The following PEAK1 variants were observed in gnomAD, a reference collection of about 807,000 sequenced individuals.
PEAK1 encodes inactive tyrosine-protein kinase PEAK1.
In PEAK1, 54 loss-of-function variants were observed where a neutral mutation model predicts 124.7. That is an observed-to-expected ratio of 0.43 (90% CI 0.35 to 0.54). The LOEUF (loss-of-function observed/expected upper bound fraction) is 0.54. PEAK1 is among the 20% of genes least tolerant of loss of function. PEAK1 has a pLI of 0.01. For missense variants in PEAK1, 2,046 were observed against 2,134.5 expected (o/e 0.96, Z 0.82); for synonymous variants, 719 against 760.0 (o/e 0.95, Z 0.89).
chr15:77,381,306 G>T (rs80032299), intron 1 of PEAK1: 11,552 of 876,018 alleles, frequency 0.013, 102 homozygotes, highest in Non-Finnish European at 0.014. Flanking sequence ...TTCAAGTTAC[G>T]TGGGAGACTG....
chr15:77,242,286 T>C (rs969269403), intron 6 of PEAK1, among the ~76,000 whole-genome samples: 41 of 152,210 alleles, frequency 2.7e-4, no homozygotes, highest in African/African-American at 9.6e-4. Flanking sequence ...TGATAATACA[T>C]GTTGTTAAAA....
intron 7 of PEAK1, among the ~76,000 whole-genome samples, chr15:77,175,554 T>C (rs1269902135): frequency 4.6e-5 from 7 of 151,998 alleles, no homozygotes; most frequent in Non-Finnish European, 7.4e-5. Flanking sequence ...CACAATGAGA[T>C]ACCATCTCAC....
Position 77,116,363 on chromosome 15 carries a change from T to C in PEAK1, c.4078-1044A>G, listed in dbSNP as rs558711997. On this transcript the variant is annotated intron_variant, in intron 9 of 9. Transcript: ENST00000682557. The stretch of plus-strand genomic sequence containing the variant: ...CAGAGGCACACTGCCACATTACAAA[T>C]ATCAAAGGCTCCCAGGAACATGCAC... Among the ~76,000 whole-genome samples, 6 of 152,270 alleles carry C rather than the reference T, an allele frequency of 3.9e-5. No individual in the cohort carries two copies. In the East Asian group the frequency reaches 7.7e-4, roughly 20 times the overall value.
chr15:77,337,975 A>T (rs895213345), intron 2 of PEAK1: 1 of 984,114 alleles, frequency 1.0e-6, no homozygotes, highest in Admixed American at 6.1e-5. Flanking sequence ...CCATCATACC[A>T]CTTTCTGGAA....
chr15:77,199,813 T>C (rs974060067), intron 6 of PEAK1, among the ~76,000 whole-genome samples: 2 of 152,124 alleles, frequency 1.3e-5, no homozygotes, highest in Non-Finnish European at 2.9e-5. Context: ...AAGATGAAGA[T>C]GTAGAAGAAG....
chr15:77,219,985 G>A lies in PEAK1; in HGVS notation c.-115+32382C>T, dbSNP rs185765137. Reference sequence around the variant, plus strand: ...ATATGCAAATTTTTAAATACATATTGAGAAGCATGCAGACATCAACATTTC... The same window carrying A: ...ATATGCAAATTTTTAAATACATATTAAGAAGCATGCAGACATCAACATTTC... On this transcript the variant is annotated intron_variant, in intron 6 of 9. Coordinates refer to ENST00000682557, the MANE Select transcript of PEAK1 (RefSeq NM_001385026.1). Among the ~76,000 whole-genome samples, 3 of 152,002 alleles carry A rather than the reference G, an allele frequency of 2.0e-5. 1 individual carries two copies. The highest frequency in any genetic ancestry group is 4.1e-4 in the South Asian group (2 of 4,822).
chr15:77,162,647 T>C (rs777745619), intron 7 of PEAK1, among the ~76,000 whole-genome samples: 14 of 152,300 alleles, frequency 9.2e-5, no homozygotes, highest in Admixed American at 9.2e-4. Flanking sequence ...TTAGGAGATG[T>C]TTAATGTGAT....
At chr15:77,356,570 A>C (rs1469269733) in intron 2 of PEAK1, among the ~76,000 whole-genome samples, 1 of 151,482 alleles carries the variant, frequency 6.6e-6, no homozygotes, top group Admixed American at 6.6e-5. Flanking sequence ...CATGGATAGT[A>C]ATGTTTCCTG....
At chr15:77,175,312 G>C (rs902378592) in intron 7 of PEAK1, among the ~76,000 whole-genome samples, 7 of 152,158 alleles carry the variant, frequency 4.6e-5, no homozygotes, top group African/African-American at 1.7e-4. Flanking sequence ...AGAGTGAATA[G>C]ACAACCCACA....
At chr15:77,375,940 A>G (rs1408863217) in intron 1 of PEAK1, among the ~76,000 whole-genome samples, 3 of 152,058 alleles carry the variant, frequency 2.0e-5, no homozygotes, top group Non-Finnish European at 4.4e-5. Flanking sequence ...CGGAGCCTGC[A>G]GTGAGCCGAG....
intron 2 of PEAK1, 67 bp downstream of exon 2, chr15:77,365,096 T>C (rs2068132514): frequency 1.6e-6 from 1 of 611,306 alleles, no homozygotes; most frequent in Non-Finnish European, 2.0e-6. Flanking sequence ...TTAAATTTTT[T>C]CAAAAACAAT....
At chr15:77,207,837 C>A (rs2058734300) in intron 6 of PEAK1, among the ~76,000 whole-genome samples, 1 of 152,138 alleles carries the variant, frequency 6.6e-6, no homozygotes, top group South Asian at 2.1e-4. Flanking sequence ...AAACTATGGA[C>A]TTCGGTTGAT....
Position 77,180,882 on chromosome 15 carries a change from T to C in PEAK1, c.1045A>G (p.Thr349Ala), listed in dbSNP as rs2057221901. 6.2e-7 allele frequency: 1 copy of C among 1,614,060 alleles called. No individual in the cohort carries two copies. The highest frequency in any genetic ancestry group is 8.5e-7 in the Non-Finnish European group (1 of 1,179,998). Residue 349 changes from threonine to alanine, a missense_variant, in exon 7 of 10, where the codon ACA (threonine) becomes GCA (alanine). By Grantham distance (58) the Thr-to-Ala change is moderately conservative. Coordinates refer to ENST00000682557, the MANE Select transcript of PEAK1 (RefSeq NM_001385026.1). ...GCTGTCTCAGAACGTGATTCTTCTG[T>C]TAAAGAAGAATCTGGTGATGTGGAG... is the stretch of plus-strand genomic sequence containing the variant. Reference protein sequence around the residue: ...SDSTSPDSSLTEESRSETASS... With the variant: ...SDSTSPDSSLAEESRSETASS...
At chr15:77,369,256 A>G (rs915239328) in intron 1 of PEAK1, among the ~76,000 whole-genome samples, 4 of 152,204 alleles carry the variant, frequency 2.6e-5, no homozygotes, top group Admixed American at 6.5e-5. Context: ...GGAAGTTTTC[A>G]TAGCACTTAG....
At chr15:77,284,238 G>A (rs1384205759) in intron 4 of PEAK1, among the ~76,000 whole-genome samples, 1 of 152,160 alleles carries the variant, frequency 6.6e-6, no homozygotes, top group African/African-American at 2.4e-5. Flanking sequence ...AAATGCGAAG[G>A]TCTCAGTCTC....
chr15:77,292,796 C>T (rs1251828635), intron 2 of PEAK1, among the ~76,000 whole-genome samples: 4 of 152,048 alleles, frequency 2.6e-5, no homozygotes, highest in Non-Finnish European at 4.4e-5. Context: ...TGTATATGAA[C>T]GTATATGAAT....
intron 1 of PEAK1, among the ~76,000 whole-genome samples, chr15:77,393,932 C>A (rs559308859): frequency 3.3e-5 from 5 of 152,274 alleles, no homozygotes; most frequent in African/African-American, 9.6e-5. Flanking sequence ...TGAAAGCATT[C>A]ATCACAAGCT....
In PEAK1 at chr15:77,252,410, G is replaced by T; in HGVS notation, c.-158C>A. 1 of 985,328 alleles carries T rather than the reference G, an allele frequency of 1.0e-6. No homozygotes were observed. The highest frequency in any genetic ancestry group is 1.2e-6 in the Non-Finnish European group (1 of 829,886). The allele number at this position is 985,328 out of a possible 1,614,324, so 61.0% of individuals were successfully genotyped here. A position where few individuals can be genotyped will look rare whatever the true frequency, so the allele number is the denominator to read the frequency against. On this transcript the variant is annotated 5_prime_UTR_variant, in exon 6 of 10. Transcript: ENST00000682557. Reference sequence around the variant, plus strand: ...TTCATTCATTCTGGTGACAAAGGTGGTTTTAGCAGCTAGCAAAACATTCCT... The same window carrying T: ...TTCATTCATTCTGGTGACAAAGGTGTTTTTAGCAGCTAGCAAAACATTCCT...
At chr15:77,186,318 C>T (rs2057544597) in intron 6 of PEAK1, among the ~76,000 whole-genome samples, 2 of 152,114 alleles carry the variant, frequency 1.3e-5, no homozygotes, top group African/African-American at 2.4e-5. Context: ...AATATATTTG[C>T]TTTTTCAAAG....
Sources: allele counts gnomAD v4.1 joint callset (sites outside exome capture counted in the v4.1 genomes callset), GRCh38; gene constraint gnomAD v4.1.1; transcripts MANE v1.5; gene names NCBI Gene and HGNC (gene_info 2026-07-23, HGNC 2026-07-21).